The following GALNT2 variants were observed in gnomAD, a reference collection of about 807,000 sequenced individuals.
GALNT2 encodes the protein UDP-GalNAc:polypeptide N-acetylgalactosaminyltransferase 2.
Under a neutral mutation model 81.4 loss-of-function variants are expected in GALNT2, and 31 were observed. The observed-to-expected ratio is 0.38, with a 90% confidence interval of 0.29 to 0.51. GALNT2 has a LOEUF of 0.51. Among genes scored for constraint, GALNT2 ranks in the 20% least tolerant of loss-of-function variants. The pLI is 0.87. For missense variants in GALNT2, 629 were observed against 765.7 expected (o/e 0.82, Z 2.11); for synonymous variants, 303 against 287.4 (o/e 1.05, Z -0.55).
At chr1:230,104,885 G>A (rs1202772058) in intron 1 of GALNT2, among the ~76,000 whole-genome samples, 1 of 152,230 alleles carries the variant, frequency 6.6e-6, no homozygotes, top group Non-Finnish European at 1.5e-5. Flanking sequence ...CACACAGGAC[G>A]CTTGCAGTCC....
At chr1:230,265,219 T>C in intron 13 of GALNT2, 22 bp from the exon 14 acceptor site, 1 of 1,614,070 alleles carries the variant, frequency 6.2e-7, no homozygotes, top group Non-Finnish European at 8.5e-7. Context: ...GTGAAGCAGG[T>C]GATTCTCACG....
intron 1 of GALNT2, among the ~76,000 whole-genome samples, chr1:230,139,703 A>G (rs1352095264): frequency 1.3e-5 from 2 of 152,208 alleles, no homozygotes; most frequent in African/African-American, 4.8e-5. Context: ...AATACAAGCA[A>G]AGCACTGCGA....
chr1:230,256,270 A>G (rs1471611034), intron 11 of GALNT2, among the ~76,000 whole-genome samples: 2 of 152,152 alleles, frequency 1.3e-5, no homozygotes, highest in Admixed American at 1.3e-4. Flanking sequence ...CAACATGGAA[A>G]CCGCATCTCT....
chr1:230,098,350 A>G (rs1660309253), intron 1 of GALNT2, among the ~76,000 whole-genome samples: 1 of 152,130 alleles, frequency 6.6e-6, no homozygotes, highest in Middle Eastern at 3.4e-3. Context: ...TTTAGAATGC[A>G]TGCATGTGAA....
At chr1:230,115,127 T>TTTGTATG (rs1477104837) in intron 1 of GALNT2, among the ~76,000 whole-genome samples, 2 of 151,302 alleles carry the variant, frequency 1.3e-5, no homozygotes, top group African/African-American at 4.9e-5. Flanking sequence ...TGCCTCAGCC[T>TTTGTATG]CCTAAGTAGG....
chr1:230,063,352 T>G (rs1397935485), upstream of GALNT2, among the ~76,000 whole-genome samples: 1 of 151,952 alleles, frequency 6.6e-6, no homozygotes, highest in Non-Finnish European at 1.5e-5. Context: ...TCCTAATGGA[T>G]ATGAAGTGGT....
intron 3 of GALNT2, among the ~76,000 whole-genome samples, chr1:230,231,740 T>C (rs1398125275): frequency 1.3e-5 from 2 of 152,200 alleles, no homozygotes; most frequent in African/African-American, 4.8e-5. Flanking sequence ...AACAGATCTT[T>C]ACATGTCCAG....
chr1:230,060,385 A>C (rs928409193), intron 1 of GALNT2, among the ~76,000 whole-genome samples: 6 of 152,150 alleles, frequency 3.9e-5, no homozygotes, highest in Non-Finnish European at 8.8e-5. Flanking sequence ...AGAATACAAA[A>C]ACCATGATGC....
At chr1:230,161,043 C>T (rs1051390494) in intron 1 of GALNT2, among the ~76,000 whole-genome samples, 2 of 152,160 alleles carry the variant, frequency 1.3e-5, no homozygotes, top group Non-Finnish European at 2.9e-5. Context: ...TTTCACTCTG[C>T]ATTCATGTCT....
intron 3 of GALNT2, among the ~76,000 whole-genome samples, chr1:230,224,678 C>G (rs114289608): frequency 6.6e-6 from 1 of 152,182 alleles, no homozygotes; most frequent in Admixed American, 6.5e-5. Flanking sequence ...TGGCCGGTGC[C>G]GAAGCGTGGA....
intron 1 of GALNT2, among the ~76,000 whole-genome samples, chr1:230,090,566 G>A (rs1660040298): frequency 6.6e-6 from 1 of 152,166 alleles, no homozygotes. Flanking sequence ...GAGGGCTGGT[G>A]CTTCTGAGGT....
At chr1:230,165,609 A>G (rs574037357) in intron 1 of GALNT2, among the ~76,000 whole-genome samples, 1 of 152,368 alleles carries the variant, frequency 6.6e-6, no homozygotes, top group Admixed American at 6.5e-5. Flanking sequence ...TTTTAAAATA[A>G]GGTAGTGAGA....
chr1:230,218,544 C>T (rs543187458), intron 3 of GALNT2, among the ~76,000 whole-genome samples: 1 of 152,090 alleles, frequency 6.6e-6, no homozygotes, highest in South Asian at 2.1e-4. Context: ...CAGTACTAAA[C>T]GAATACTAGC....
At chr1:230,114,551 G>A (rs1486160037) in intron 1 of GALNT2, among the ~76,000 whole-genome samples, 1 of 152,228 alleles carries the variant, frequency 6.6e-6, no homozygotes, top group Non-Finnish European at 1.5e-5. Context: ...CGGCACTGCT[G>A]GGACATGAAC....
chr1:230,155,328 G>C (rs1474588709), intron 1 of GALNT2, among the ~76,000 whole-genome samples: 1 of 152,166 alleles, frequency 6.6e-6, no homozygotes, highest in African/African-American at 2.4e-5. Flanking sequence ...TCGCTCGGAG[G>C]TGGGCCCTGC....
At chr1:230,143,459 C>T (rs775087444) in intron 1 of GALNT2, among the ~76,000 whole-genome samples, 65 of 152,156 alleles carry the variant, frequency 4.3e-4, no homozygotes, top group Non-Finnish European at 8.8e-4. Flanking sequence ...GCACCGCTGC[C>T]CATCCTTCAT....
intron 1 of GALNT2, among the ~76,000 whole-genome samples, chr1:230,162,097 C>A (rs1662453932): frequency 6.6e-6 from 1 of 152,160 alleles, no homozygotes; most frequent in African/African-American, 2.4e-5. Context: ...GATTATAGTA[C>A]TGTTGAACAA....
In GALNT2 at chr1:230,155,473, C is replaced by G. The variant is rs559044723; in HGVS notation, c.127-22745C>G. 1.4e-3 allele frequency among the ~76,000 whole-genome samples: 208 copies of G among 152,330 alleles called. 1 individual carries two copies. The highest frequency in any genetic ancestry group is 4.8e-3 in the African/African-American group (201 of 41,578). On this transcript the variant is annotated intron_variant, in intron 1 of 15. Coordinates refer to ENST00000366672, the MANE Select transcript of GALNT2 (RefSeq NM_004481.5). Reference sequence around the variant, plus strand: ...ATTCAACCTGTAGCTGTTTTAAAAACTGCCTTATTCAGAGAGGGTCAAGAT... The same window carrying G: ...ATTCAACCTGTAGCTGTTTTAAAAAGTGCCTTATTCAGAGAGGGTCAAGAT...
intron 1 of GALNT2, among the ~76,000 whole-genome samples, chr1:230,131,748 C>T (rs1156638621): frequency 6.6e-6 from 1 of 152,076 alleles, no homozygotes; most frequent in Non-Finnish European, 1.5e-5. Context: ...TGTTGGAGGC[C>T]GAAGAGTGAG....
Sources: allele counts gnomAD v4.1 joint callset (sites outside exome capture counted in the v4.1 genomes callset), GRCh38; gene constraint gnomAD v4.1.1; transcripts MANE v1.5; gene names NCBI Gene and HGNC (gene_info 2026-07-23, HGNC 2026-07-21).